Variants in FAM135B observed in about 807,000 individuals in gnomAD.
The protein encoded by FAM135B is family with sequence similarity 135 member B, also known as protein FAM135B.
Under a neutral mutation model 127.7 loss-of-function variants are expected in FAM135B, and 43 were observed. The observed-to-expected ratio is 0.34, with a 90% CI of 0.26 to 0.43. The LOEUF is 0.43. Ranked by LOEUF, FAM135B falls within the 20% of genes least tolerant of loss-of-function variation. The pLI is 1.00. For missense variants in FAM135B, 1,558 were observed against 1,725.6 expected (o/e 0.90, Z 1.72); for synonymous variants, 670 against 665.1 (o/e 1.01, Z -0.11).
chr8:138,461,521 C>A (rs990753552), intron 1 of FAM135B, among the ~76,000 whole-genome samples: 1 of 152,180 alleles, frequency 6.6e-6, no homozygotes, highest in African/African-American at 2.4e-5. Context: ...CATTTAACTT[C>A]TCTTGGTTTT....
At chr8:138,412,048 C>G (rs1364435475) in intron 1 of FAM135B, among the ~76,000 whole-genome samples, 1 of 152,112 alleles carries the variant, frequency 6.6e-6, no homozygotes, top group Non-Finnish European at 1.5e-5. Context: ...CAACAATAGA[C>G]AGTGGGGACT....
intron 6 of FAM135B, among the ~76,000 whole-genome samples, chr8:138,244,549 C>G (rs1821134953): frequency 6.6e-6 from 1 of 152,170 alleles, no homozygotes; most frequent in Non-Finnish European, 1.5e-5. Context: ...AGCAAGGCTT[C>G]CATCAATGCT....
chr8:138,263,777 G>A (rs918791898), intron 4 of FAM135B, among the ~76,000 whole-genome samples: 3 of 152,118 alleles, frequency 2.0e-5, no homozygotes, highest in African/African-American at 7.2e-5. Context: ...TAAAAAGAAG[G>A]GATTACAAGT....
At chr8:138,372,382 G>C (rs1284056054) in intron 1 of FAM135B, among the ~76,000 whole-genome samples, 1 of 152,176 alleles carries the variant, frequency 6.6e-6, no homozygotes, top group Non-Finnish European at 1.5e-5. Flanking sequence ...GGAGGGAGGG[G>C]CAGGATGGGA....
chr8:138,409,366 A>G (rs1264817846), intron 1 of FAM135B, among the ~76,000 whole-genome samples: 1 of 152,006 alleles, frequency 6.6e-6, no homozygotes, highest in Non-Finnish European at 1.5e-5. Context: ...AACAATTACA[A>G]TAGTAACATC....
intron 9 of FAM135B, among the ~76,000 whole-genome samples, chr8:138,184,055 G>A (rs185409993): frequency 3.0e-4 from 45 of 152,284 alleles, no homozygotes; most frequent in African/African-American, 8.4e-4. Flanking sequence ...GGAGCTCACC[G>A]GGAGCTCTCA....
intron 1 of FAM135B, among the ~76,000 whole-genome samples, chr8:138,381,054 C>T (rs556225811): frequency 4.6e-5 from 7 of 152,236 alleles, no homozygotes; most frequent in Non-Finnish European, 8.8e-5. Flanking sequence ...AAAACCATGA[C>T]CTGAGATATC....
intron 1 of FAM135B, among the ~76,000 whole-genome samples, chr8:138,393,734 C>G (rs961559407): frequency 1.3e-5 from 2 of 152,186 alleles, no homozygotes; most frequent in Non-Finnish European, 2.9e-5. Flanking sequence ...GTCCTCTGCT[C>G]CTTCACATGA....
chr8:138,483,759 T>C lies in FAM135B; in HGVS notation c.-20+12912A>G, dbSNP rs547167483. Among the ~76,000 whole-genome samples the C allele has an allele frequency of 2.0e-5, 3 of 152,324 alleles. No individual in the cohort carries two copies. In the East Asian group the frequency reaches 5.8e-4, roughly 29 times the overall value. On this transcript the variant is annotated intron_variant, in intron 1 of 19. Coordinates refer to ENST00000395297, the MANE Select transcript of FAM135B (RefSeq NM_015912.4). Reference sequence around the variant, plus strand: ...ACTGCTCATTCCTGCAGTGACCCTATGCAAGCCTCAATTGCATTCCACTGG... The same window carrying C: ...ACTGCTCATTCCTGCAGTGACCCTACGCAAGCCTCAATTGCATTCCACTGG...
chr8:138,214,792 T>C (rs1252108304), intron 7 of FAM135B, among the ~76,000 whole-genome samples: 1 of 152,102 alleles, frequency 6.6e-6, no homozygotes, highest in Non-Finnish European at 1.5e-5. Context: ...AGTATGAAGG[T>C]CTCTCTTATT....
chr8:138,460,400 A>C (rs78619761), intron 1 of FAM135B, among the ~76,000 whole-genome samples: 3,656 of 152,294 alleles, frequency 0.024, 123 homozygotes, highest in East Asian at 0.077. Context: ...AATGCAAAAC[A>C]GCAGCCTGGA....
At chr8:138,268,223 C>G (rs965415920) in intron 3 of FAM135B, among the ~76,000 whole-genome samples, 1 of 152,174 alleles carries the variant, frequency 6.6e-6, no homozygotes, top group East Asian at 1.9e-4. Flanking sequence ...ACCAGGCACG[C>G]TCTGGGCATA....
rs1020884846 is a variant in FAM135B at position 138,243,556 on chromosome 8, T to C, written c.543-488A>G. Among the ~76,000 whole-genome samples, 16 of 152,218 alleles carry C rather than the reference T, an allele frequency of 1.1e-4. No homozygotes were observed. Among genetic ancestry groups the C allele is most frequent in the African/African-American group, 3.6e-4 (15 of 41,454 alleles). The stretch of plus-strand genomic sequence containing the variant: ...GAGAGTCTAATACGATGTCAAAGAC[T>C]GTCATAAGCCAGAAAGCACTCGCTG... On this transcript the variant is annotated intron_variant, in intron 6 of 19. Coordinates refer to ENST00000395297, the MANE Select transcript of FAM135B (RefSeq NM_015912.4). This position sits in a 1 kb window ranked among gnomAD's most constrained non-coding sequence, Gnocchi z 7.5.
chr8:138,164,310 G>A (rs1250242878), intron 12 of FAM135B, among the ~76,000 whole-genome samples: 2 of 152,142 alleles, frequency 1.3e-5, no homozygotes, highest in Admixed American at 1.3e-4. Flanking sequence ...AGAGAAGCCT[G>A]GAGAAGAGAG....
chr8:138,278,148 G>A lies in FAM135B; in HGVS notation c.158-12306C>T, dbSNP rs1586949228. Among the ~76,000 whole-genome samples the A allele has an allele frequency of 3.3e-5, 5 of 152,064 alleles. 1 individual carries two copies. In the Middle Eastern group the frequency reaches 0.01, roughly 310 times the overall value. ...TTGATGTGACAATAAATGAGCATAG[G>A]AGAACAGGTCATCTGGTAGTTGAAT... On this transcript the variant is annotated intron_variant, in intron 3 of 19. Transcript: ENST00000395297.
At chr8:138,235,307 A>AT (rs34943954) in intron 7 of FAM135B, among the ~76,000 whole-genome samples, 13,766 of 152,210 alleles carry the variant, frequency 0.09, 982 homozygotes, top group East Asian at 0.26. Context: ...TGTCATTTCC[A>AT]TTGCTGCATC....
chr8:138,306,611 C>T (rs1350564669), intron 3 of FAM135B, among the ~76,000 whole-genome samples: 4 of 143,176 alleles, frequency 2.8e-5, no homozygotes, highest in African/African-American at 1.0e-4. Context: ...GAGACAGAGT[C>T]TCACTCTGTC....
chr8:138,220,130 A>G (rs534641550), intron 7 of FAM135B, among the ~76,000 whole-genome samples: 4 of 152,198 alleles, frequency 2.6e-5, no homozygotes, highest in African/African-American at 9.6e-5. Flanking sequence ...AGAGCAGAGC[A>G]TAAGCAATCT....
intron 1 of FAM135B, among the ~76,000 whole-genome samples, chr8:138,458,732 T>C (rs1009385762): frequency 6.6e-6 from 1 of 152,214 alleles, no homozygotes; most frequent in Non-Finnish European, 1.5e-5. Flanking sequence ...AGGGACCATA[T>C]GGCCTGGATG....
Sources: gnomAD v4.1 joint callset for allele counts (sites outside exome capture counted in the v4.1 genomes callset) on GRCh38, gnomAD v4.1.1 for gene constraint, Gnocchi (gnomAD v3.1) non-coding constraint, MANE v1.5 for transcripts, NCBI Gene and HGNC (gene_info 2026-07-23, HGNC 2026-07-21) for gene names.